Variants in TAF3 observed in about 807,000 individuals in gnomAD.
TAF3 encodes TATA-box binding protein associated factor 3.
TAF3 carries 7 observed loss-of-function variants against 80.6 expected under a neutral mutation model. The observed-to-expected ratio is 0.09, with a 90% CI of 0.05 to 0.16. The LOEUF is 0.16. Among genes scored for constraint, TAF3 ranks in the 10% least tolerant of loss-of-function variants. The probability of loss-of-function intolerance (pLI) is 1.00; values close to 1 mark genes in which losing one functional copy is unlikely to be tolerated. For missense variants in TAF3, 921 were observed against 1,140.2 expected (o/e 0.81, Z 2.77); for synonymous variants, 444 against 446.1 (o/e 1.00, Z 0.06).
intron 1 of TAF3, among the ~76,000 whole-genome samples, chr10:7,820,908 G>A (rs1050968119): frequency 6.6e-6 from 1 of 152,272 alleles, no homozygotes. Context: ...TCTGGCCTCC[G>A]CTGCAGTGGT....
At chr10:7,845,517 C>G (rs887408147) in intron 2 of TAF3, among the ~76,000 whole-genome samples, 3 of 152,104 alleles carry the variant, frequency 2.0e-5, no homozygotes, top group African/African-American at 7.2e-5. Context: ...TTCTGTTAGT[C>G]ACGAAAGGGT....
chr10:7,954,237 C>T, intron 2 of TAF3, among the ~76,000 whole-genome samples: 1 of 136,712 alleles, frequency 7.3e-6, no homozygotes, highest in Non-Finnish European at 1.6e-5. Flanking sequence ...TAGTGAGATT[C>T]AGAGTGCACT....
intron 2 of TAF3, among the ~76,000 whole-genome samples, chr10:7,922,589 G>A (rs1837774887): frequency 6.6e-6 from 1 of 152,024 alleles, no homozygotes; most frequent in African/African-American, 2.4e-5. Context: ...ATGTTGAGAT[G>A]ACTGCCTGGT....
At chr10:7,931,077 AG>A (rs1332569958) in intron 2 of TAF3, among the ~76,000 whole-genome samples, 1 of 152,184 alleles carries the variant, frequency 6.6e-6, no homozygotes, top group African/African-American at 2.4e-5. Flanking sequence ...CTATAATAAT[AG>A]TAACATTGCC....
intron 2 of TAF3, among the ~76,000 whole-genome samples, chr10:7,938,415 T>C (rs1430415043): frequency 6.6e-6 from 1 of 152,116 alleles, no homozygotes; most frequent in African/African-American, 2.4e-5. Flanking sequence ...CCAATGGGAA[T>C]AATAAAGAAA....
chr10:7,984,548 C>T (rs913360586), intron 4 of TAF3, among the ~76,000 whole-genome samples: 55 of 152,160 alleles, frequency 3.6e-4, no homozygotes, highest in African/African-American at 1.3e-3. Context: ...GTCCAGACTT[C>T]AATAAATTGT....
chr10:7,951,729 C>G (rs1010979187), intron 2 of TAF3, among the ~76,000 whole-genome samples: 2 of 152,122 alleles, frequency 1.3e-5, no homozygotes, highest in Non-Finnish European at 2.9e-5. Flanking sequence ...TATATACAAA[C>G]TCATTTTTTA....
At chr10:7,978,644 C>T (rs943312817) in intron 4 of TAF3, among the ~76,000 whole-genome samples, 1 of 152,156 alleles carries the variant, frequency 6.6e-6, no homozygotes, top group Non-Finnish European at 1.5e-5. Flanking sequence ...ATGTCCTCAT[C>T]CCTTAACCAG....
intron 2 of TAF3, among the ~76,000 whole-genome samples, chr10:7,869,182 CAGATA>C (rs770313153): frequency 5.3e-5 from 8 of 151,936 alleles, no homozygotes; most frequent in South Asian, 2.1e-4. Flanking sequence ...AAAATGTTTA[CAGATA>C]AGATAAAAGA....
intron 4 of TAF3, among the ~76,000 whole-genome samples, chr10:8,003,790 A>G (rs938260580): frequency 5.3e-5 from 8 of 152,168 alleles, no homozygotes; most frequent in Non-Finnish European, 1.2e-4. Context: ...ATGCGCCTGT[A>G]ATCCCAGCTA....
At chr10:7,913,005 C>G (rs1025246021) in intron 2 of TAF3, among the ~76,000 whole-genome samples, 1 of 152,142 alleles carries the variant, frequency 6.6e-6, no homozygotes, top group Non-Finnish European at 1.5e-5. Context: ...ACCGAGGGGT[C>G]AGCAGGTTTG....
chr10:7,960,876 C>G (rs1190427382), intron 2 of TAF3, among the ~76,000 whole-genome samples: 1 of 152,192 alleles, frequency 6.6e-6, no homozygotes, highest in East Asian at 1.9e-4. Context: ...CATAACTCTT[C>G]CGTGTAATAA....
chr10:7,885,436 C>T (rs996776788), intron 2 of TAF3, among the ~76,000 whole-genome samples: 6 of 151,976 alleles, frequency 3.9e-5, no homozygotes, highest in Admixed American at 1.3e-4. Flanking sequence ...TAATATGGCT[C>T]CAAAAAAGTC....
intron 2 of TAF3, among the ~76,000 whole-genome samples, chr10:7,915,286 C>T (rs1247657410): frequency 6.6e-6 from 1 of 151,908 alleles, no homozygotes; most frequent in Non-Finnish European, 1.5e-5. Flanking sequence ...CTTCCCTTTG[C>T]TCTTCCTGTG....
At chr10:7,936,735 A>T (rs748339439) in intron 2 of TAF3, among the ~76,000 whole-genome samples, 4 of 152,160 alleles carry the variant, frequency 2.6e-5, no homozygotes, top group Non-Finnish European at 5.9e-5. Flanking sequence ...GGTGTTGTAC[A>T]TTCCATGGGT....
intron 2 of TAF3, among the ~76,000 whole-genome samples, chr10:7,860,804 C>CTT (rs371068019): frequency 1.4e-3 from 165 of 119,126 alleles, no homozygotes; most frequent in African/African-American, 4.6e-3. Context: ...TTCTTTCTTT[C>CTT]TTTTTTTTTT....
intron 2 of TAF3, among the ~76,000 whole-genome samples, chr10:7,923,590 C>A (rs466858): frequency 0.85 from 126,668 of 149,204 alleles, 54,173 homozygotes; most frequent in East Asian, 0.97. Context: ...AGCAAAAAAA[C>A]AAAACAAAAC....
At chr10:7,926,451 G>A (rs369557746) in intron 2 of TAF3, among the ~76,000 whole-genome samples, 3 of 152,084 alleles carry the variant, frequency 2.0e-5, no homozygotes, top group South Asian at 2.1e-4. Flanking sequence ...GTATTACCAG[G>A]TCCATATAGT....
chr10:7,939,613 CA>C (rs1202313258), intron 2 of TAF3, among the ~76,000 whole-genome samples: 7 of 150,512 alleles, frequency 4.7e-5, no homozygotes, highest in East Asian at 2.0e-4. Context: ...CACACACACA[CA>C]CACACACCTC....
Sources: gnomAD v4.1 joint callset for allele counts (sites outside exome capture counted in the v4.1 genomes callset) on GRCh38, gnomAD v4.1.1 for gene constraint, MANE v1.5 for transcripts, NCBI Gene and HGNC (gene_info 2026-07-23, HGNC 2026-07-21) for gene names.